RABGAP1L: variants seen among roughly 807,000 people sequenced by gnomAD.
RABGAP1L encodes the protein rab GTPase-activating protein 1-like.
In RABGAP1L, 63 loss-of-function variants were observed where a neutral mutation model predicts 137.7. The ratio of observed to expected loss-of-function variants is 0.46; its 90% CI spans 0.37 to 0.56. RABGAP1L has a LOEUF of 0.56. Among genes scored for constraint, RABGAP1L ranks in the 20% least tolerant of loss-of-function variants. The probability of loss-of-function intolerance (pLI) is 0.00; values close to 1 mark genes in which losing one functional copy is unlikely to be tolerated. For missense variants in RABGAP1L, 1,095 were observed against 1,244.0 expected (o/e 0.88, Z 1.80); for synonymous variants, 431 against 433.7 (o/e 0.99, Z 0.08).
In RABGAP1L at chr1:174,196,322, C is replaced by T. The variant is rs563084665; in HGVS notation, c.-33-22803C>T. ...CACTGCAAGCTCTGCCTCCTGGGTT[C>T]ACGCCATTCTCCTGCCTCAGCCTTC... On this transcript the variant is annotated intron_variant, in intron 1 of 25. Transcript: ENST00000681986. 1.8e-3 allele frequency among the ~76,000 whole-genome samples: 266 copies of T among 150,534 alleles called. 2 individuals carry two copies. The highest frequency in any genetic ancestry group is 3.4e-3 in the Admixed American group (52 of 15,118).
At chr1:174,244,532 A>G (rs1019833135) in intron 5 of RABGAP1L, 1 of 152,182 alleles carries the variant, frequency 6.6e-6, no homozygotes. Flanking sequence ...TTGACTTGCA[A>G]CACTTGGATG....
At chr1:174,228,432 G>A (rs1174173128) in intron 3 of RABGAP1L, among the ~76,000 whole-genome samples, 1 of 151,846 alleles carries the variant, frequency 6.6e-6, no homozygotes, top group Non-Finnish European at 1.5e-5. Context: ...AATCACCCAG[G>A]CTCATCAGTC....
At chr1:174,604,134 T>A (rs1253441465) in intron 13 of RABGAP1L, among the ~76,000 whole-genome samples, 5 of 152,066 alleles carry the variant, frequency 3.3e-5, no homozygotes, top group Non-Finnish European at 7.4e-5. Flanking sequence ...GGAATTGCAG[T>A]CCTTGTGGCC....
intron 12 of RABGAP1L, among the ~76,000 whole-genome samples, chr1:174,374,489 C>T (rs1030909095): frequency 6.6e-6 from 1 of 151,812 alleles, no homozygotes; most frequent in South Asian, 2.1e-4. Context: ...ACCTTATACT[C>T]CAATTGAAAT....
At chr1:174,729,013 G>GACAAAGCAAT (rs1162136367) in intron 17 of RABGAP1L, among the ~76,000 whole-genome samples, 1 of 152,022 alleles carries the variant, frequency 6.6e-6, no homozygotes, top group Non-Finnish European at 1.5e-5. Context: ...AGCCCAAATA[G>GACAAAGCAAT]CCAAAGCAAT....
intron 19 of RABGAP1L, among the ~76,000 whole-genome samples, chr1:174,901,976 A>C (rs1174546964): frequency 3.3e-5 from 5 of 152,156 alleles, no homozygotes; most frequent in African/African-American, 1.2e-4. Flanking sequence ...TCCAGACCCC[A>C]GTTGCCTCAG....
intron 17 of RABGAP1L, among the ~76,000 whole-genome samples, chr1:174,710,621 A>G (rs906580827): frequency 9.2e-5 from 14 of 152,220 alleles, no homozygotes; most frequent in Non-Finnish European, 2.1e-4. Context: ...CAGACAAGCA[A>G]ATGCTGAGGG....
intron 13 of RABGAP1L, among the ~76,000 whole-genome samples, chr1:174,433,477 G>A (rs1652876898): frequency 6.6e-6 from 1 of 152,202 alleles, no homozygotes; most frequent in Non-Finnish European, 1.5e-5. Context: ...TTTTCTTTAT[G>A]ATCGAGAAAC....
chr1:174,614,166 A>C (rs949088575), intron 13 of RABGAP1L, among the ~76,000 whole-genome samples: 20 of 152,090 alleles, frequency 1.3e-4, no homozygotes, highest in African/African-American at 4.6e-4. Context: ...TGGTCTTTAC[A>C]ATTTGGCATG....
intron 13 of RABGAP1L, among the ~76,000 whole-genome samples, chr1:174,612,664 C>T (rs1302073802): frequency 1.3e-5 from 2 of 152,098 alleles, no homozygotes; most frequent in Non-Finnish European, 2.9e-5. Context: ...TGGTAGAATT[C>T]GGCTGTGAAT....
chr1:174,161,219 G>GTATTATTATTAT (rs72031504), intron 1 of RABGAP1L, among the ~76,000 whole-genome samples: 45 of 145,306 alleles, frequency 3.1e-4, no homozygotes, highest in East Asian at 1.0e-3. Flanking sequence ...GCTCTGATGT[G>GTATTATTATTAT]TATTATTATT....
At chr1:174,567,407 T>C (rs1043689600) in intron 13 of RABGAP1L, among the ~76,000 whole-genome samples, 1 of 152,124 alleles carries the variant, frequency 6.6e-6, no homozygotes, top group Non-Finnish European at 1.5e-5. Flanking sequence ...CACATTTGGG[T>C]TAGCCATTTA....
At chr1:174,913,484 A>G (rs774190352) in intron 19 of RABGAP1L, among the ~76,000 whole-genome samples, 8 of 152,142 alleles carry the variant, frequency 5.3e-5, no homozygotes, top group Non-Finnish European at 1.2e-4. Flanking sequence ...GAAAAACGTA[A>G]CTTTTTTGAG....
chr1:174,614,726 A>G lies in RABGAP1L; in HGVS notation c.1711-22649A>G, dbSNP rs923214282. 2.0e-5 allele frequency among the ~76,000 whole-genome samples: 3 copies of G among 152,202 alleles called. No homozygotes were observed. The South Asian group carries it at 6.2e-4, about 32-fold the overall frequency. ...ACTTTCAGGTACACCAATCAGACGT[A>G]GATTTGGTCTTTTCACATAGTCCCA... On this transcript the variant is annotated intron_variant, in intron 13 of 25. Transcript: ENST00000681986.
chr1:174,247,933 T>C (rs1318337563), intron 5 of RABGAP1L, among the ~76,000 whole-genome samples: 2 of 151,962 alleles, frequency 1.3e-5, no homozygotes, highest in African/African-American at 4.8e-5. Context: ...AACTCCCTGC[T>C]CCTTAAAACA....
At chr1:174,951,307 G>A (rs1426344850) in intron 19 of RABGAP1L, among the ~76,000 whole-genome samples, 1 of 152,182 alleles carries the variant, frequency 6.6e-6, no homozygotes, top group East Asian at 1.9e-4. Context: ...AGGCTCTGGA[G>A]GCCAACTGGA....
At position 174,307,220 on chromosome 1, in the gene RABGAP1L, A is replaced by T. The variant is rs185061089; in HGVS notation, c.1465+2093A>T. Among the ~76,000 whole-genome samples, 262 of 152,322 alleles carry T rather than the reference A, an allele frequency of 1.7e-3. 1 individual carries two copies. Among genetic ancestry groups the T allele is most frequent in the Non-Finnish European group, 3.1e-3 (209 of 68,008 alleles). ...CAGGCTATCTGACTTTAAGATTTGT[A>T]CTTGTAACTATGACATTATTCGGTC... On this transcript the variant is annotated intron_variant, in intron 11 of 25. Transcript: ENST00000681986.
chr1:174,332,787 A>G (rs190324140), intron 11 of RABGAP1L, among the ~76,000 whole-genome samples: 2 of 152,282 alleles, frequency 1.3e-5, no homozygotes, highest in Admixed American at 1.3e-4. Flanking sequence ...GAAAATTATA[A>G]AAGTTAAAAA....
At chr1:174,550,889 T>TACACAC (rs1219290712) in intron 13 of RABGAP1L, among the ~76,000 whole-genome samples, 9 of 87,008 alleles carry the variant, frequency 1.0e-4, no homozygotes, top group South Asian at 3.4e-4. Flanking sequence ...TATATATATA[T>TACACAC]ATATATACAC....
Sources: allele counts gnomAD v4.1 joint callset (sites outside exome capture counted in the v4.1 genomes callset), GRCh38; gene constraint gnomAD v4.1.1; transcripts MANE v1.5; gene names NCBI Gene and HGNC (gene_info 2026-07-23, HGNC 2026-07-21).